The following C1orf21 variants were observed in gnomAD, a reference collection of about 807,000 sequenced individuals.
C1orf21 encodes uncharacterized protein C1orf21.
A neutral mutation model predicts 18.7 loss-of-function variants in C1orf21; 3 were observed. That is an observed-to-expected ratio of 0.16 (90% CI 0.07 to 0.42). The LOEUF (loss-of-function observed/expected upper bound fraction) is 0.42. Among genes scored for constraint, C1orf21 ranks in the 10% least tolerant of loss-of-function variants. The pLI is 0.99. For synonymous variants in C1orf21, 41 were observed against 46.4 expected, an observed-to-expected ratio of 0.88 and a Z score of 0.47; for missense variants, 104 against 143.6, an observed-to-expected ratio of 0.72 and a Z score of 1.41.
At chr1:184,577,947 GTTTTTGTTTTTTTTT>G in intron 3 of C1orf21, among the ~76,000 whole-genome samples, 1 of 86,722 alleles carries the variant, frequency 1.2e-5, no homozygotes, top group South Asian at 3.6e-4. Context: ...TTTTTGTTTT[GTTTTTGTTTTTTTTT>G]TTTTTTTTTG....
intron 1 of C1orf21, among the ~76,000 whole-genome samples, chr1:184,456,210 T>G (rs1657195314): frequency 6.6e-6 from 1 of 152,232 alleles, no homozygotes. Flanking sequence ...GCTTCTCTAT[T>G]TTGAACCACT....
At chr1:184,544,762 GTC>G (rs1487646903) in intron 3 of C1orf21, among the ~76,000 whole-genome samples, 1 of 152,090 alleles carries the variant, frequency 6.6e-6, no homozygotes, top group Non-Finnish European at 1.5e-5. Flanking sequence ...GTGGTTCAGG[GTC>G]TCTCATGAAG....
At chr1:184,603,355 G>A (rs1659609164) in intron 5 of C1orf21, among the ~76,000 whole-genome samples, 2 of 152,192 alleles carry the variant, frequency 1.3e-5, no homozygotes, top group African/African-American at 4.8e-5. Flanking sequence ...GTCTCCTGAG[G>A]GAGAGCCATG....
intron 1 of C1orf21, among the ~76,000 whole-genome samples, chr1:184,454,048 A>G (rs1416615763): frequency 6.6e-6 from 1 of 152,176 alleles, no homozygotes; most frequent in Non-Finnish European, 1.5e-5. Context: ...CACTGGCATC[A>G]GATCCATGAG....
intron 3 of C1orf21, among the ~76,000 whole-genome samples, chr1:184,538,381 T>C (rs949210440): frequency 6.6e-6 from 1 of 152,240 alleles, no homozygotes; most frequent in African/African-American, 2.4e-5. Flanking sequence ...TTAATAGATA[T>C]GCGATTTCAA....
At chr1:184,496,764 C>T (rs1257638932) in intron 2 of C1orf21, among the ~76,000 whole-genome samples, 2 of 152,138 alleles carry the variant, frequency 1.3e-5, no homozygotes, top group Admixed American at 6.5e-5. Context: ...CCCCAGTTTA[C>T]GTTTGGCTTG....
intron 2 of C1orf21, among the ~76,000 whole-genome samples, chr1:184,488,827 T>A (rs1157533004): frequency 5.3e-5 from 8 of 152,140 alleles, no homozygotes; most frequent in African/African-American, 1.9e-4. Context: ...TAGCCAGATG[T>A]GGCAGCGTGC....
At chr1:184,479,613 CTTT>C (rs55840285) in intron 2 of C1orf21, among the ~76,000 whole-genome samples, 1 of 62,214 alleles carries the variant, frequency 1.6e-5, no homozygotes, top group African/African-American at 6.7e-5. Context: ...TCCCATAGGT[CTTT>C]TTTTTTTTTT....
At chr1:184,552,515 G>A (rs979887429) in intron 3 of C1orf21, among the ~76,000 whole-genome samples, 2 of 152,154 alleles carry the variant, frequency 1.3e-5, no homozygotes, top group African/African-American at 4.8e-5. Context: ...GATATTGCAA[G>A]CCCAAAAGAT....
At chr1:184,448,952 T>C (rs551721938) in intron 1 of C1orf21, among the ~76,000 whole-genome samples, 1 of 152,344 alleles carries the variant, frequency 6.6e-6, no homozygotes, top group South Asian at 2.1e-4. Context: ...TCTTCCTGCC[T>C]AAATATATGT....
intron 1 of C1orf21, among the ~76,000 whole-genome samples, chr1:184,420,466 A>G (rs1025027846): frequency 1.3e-5 from 2 of 152,220 alleles, no homozygotes; most frequent in Non-Finnish European, 2.9e-5. Context: ...AATACAAAAT[A>G]CTTCAGTGGT....
chr1:184,555,882 TG>T (rs990472316), intron 3 of C1orf21, among the ~76,000 whole-genome samples: 1 of 152,192 alleles, frequency 6.6e-6, no homozygotes, highest in African/African-American at 2.4e-5. Flanking sequence ...ATCCGCCCAC[TG>T]GCCCTCCAGG....
intron 4 of C1orf21, among the ~76,000 whole-genome samples, chr1:184,591,770 C>A (rs955984983): frequency 1.3e-5 from 2 of 151,036 alleles, no homozygotes; most frequent in African/African-American, 4.9e-5. Context: ...GGCGCCACTG[C>A]ACTCCAGCCT....
chr1:184,397,716 A>G (rs1261531866), intron 1 of C1orf21, among the ~76,000 whole-genome samples: 1 of 152,220 alleles, frequency 6.6e-6, no homozygotes, highest in Non-Finnish European at 1.5e-5. Context: ...TTAGCCTTGT[A>G]TAACTTATGC....
At chr1:184,468,441 AG>A (rs1374289254) in intron 1 of C1orf21, among the ~76,000 whole-genome samples, 9 of 152,196 alleles carry the variant, frequency 5.9e-5, no homozygotes, top group Admixed American at 4.6e-4. Flanking sequence ...GGAAGGGAAG[AG>A]GGATATGTAT....
intron 4 of C1orf21, among the ~76,000 whole-genome samples, chr1:184,593,952 A>C (rs1659480298): frequency 6.6e-6 from 1 of 152,208 alleles, no homozygotes; most frequent in Non-Finnish European, 1.5e-5. Flanking sequence ...AAGGCACACA[A>C]AGAGATGCAT....
At chr1:184,488,938 C>A (rs983435623) in intron 2 of C1orf21, among the ~76,000 whole-genome samples, 2 of 152,092 alleles carry the variant, frequency 1.3e-5, no homozygotes, top group African/African-American at 2.4e-5. Flanking sequence ...GCACTCCAGC[C>A]TGGGCGACAG....
chr1:184,404,490 G>A (rs1315575755), intron 1 of C1orf21, among the ~76,000 whole-genome samples: 1 of 152,136 alleles, frequency 6.6e-6, no homozygotes, highest in African/African-American at 2.4e-5. Context: ...GAACGGGAAA[G>A]CAGAAGAGCC....
rs1466995446 is a variant in C1orf21, at chr1:184,628,939, A to G, written c.*9383A>G. On this transcript the variant is annotated 3_prime_UTR_variant, in exon 6 of 6. Coordinates refer to ENST00000235307, the MANE Select transcript of C1orf21 (RefSeq NM_030806.4). Reference sequence around the variant, plus strand: ...TGAGAAAGTGTACAGGTCTAATTATATATACATATTTATACATGTGTATTT... The same window carrying G: ...TGAGAAAGTGTACAGGTCTAATTATGTATACATATTTATACATGTGTATTT... 2.0e-5 allele frequency: 3 copies of G among 152,562 alleles called. No homozygotes were observed. The highest frequency in any genetic ancestry group is 1.9e-4 in the East Asian group (1 of 5,192). 9.5% of individuals were successfully genotyped at this position (152,562 alleles called of 1,614,324 possible). A position where few individuals can be genotyped will look rare whatever the true frequency, so the allele number is the denominator to read the frequency against.
Sources: allele counts gnomAD v4.1 joint callset (sites outside exome capture counted in the v4.1 genomes callset), GRCh38; gene constraint gnomAD v4.1.1; transcripts MANE v1.5; gene names NCBI Gene and HGNC (gene_info 2026-07-23, HGNC 2026-07-21).